The following GRIK1 variants were observed in gnomAD, a reference collection of about 807,000 sequenced individuals.
GRIK1 encodes the protein glutamate receptor ionotropic, kainate 1.
Under a neutral mutation model 105.7 loss-of-function variants are expected in GRIK1, and 69 were observed. That is an observed-to-expected ratio of 0.65 (90% CI 0.54 to 0.80). The LOEUF (loss-of-function observed/expected upper bound fraction) is 0.80, where lower values mean the gene tolerates loss of function less well. GRIK1 is among the 30% of genes least tolerant of loss of function. The pLI is 0.00. For missense variants in GRIK1, 1,109 were observed against 1,167.3 expected, an observed-to-expected ratio of 0.95 and a Z score of 0.73; for synonymous variants, 438 against 431.3, an observed-to-expected ratio of 1.02 and a Z score of -0.19.
At chr21:29,769,317 A>G (rs924136821) in intron 1 of GRIK1, among the ~76,000 whole-genome samples, 11 of 152,200 alleles carry the variant, frequency 7.2e-5, no homozygotes, top group Non-Finnish European at 1.0e-4. Flanking sequence ...ACACAGAGAC[A>G]GACGCGTACA....
At chr21:29,791,704 T>C (rs188629097) in intron 1 of GRIK1, among the ~76,000 whole-genome samples, 131 of 152,252 alleles carry the variant, frequency 8.6e-4, no homozygotes, top group Admixed American at 3.9e-3. Context: ...GTAAAAGCAG[T>C]TGAAAGCCCT....
intron 1 of GRIK1, among the ~76,000 whole-genome samples, chr21:29,783,822 C>T (rs1234218513): frequency 6.6e-6 from 1 of 152,206 alleles, no homozygotes; most frequent in East Asian, 1.9e-4. Flanking sequence ...ATAAAACAAT[C>T]ACATGACTCA....
chr21:29,635,424 C>T (rs1464772418), intron 7 of GRIK1, among the ~76,000 whole-genome samples: 1 of 152,150 alleles, frequency 6.6e-6, no homozygotes, highest in Non-Finnish European at 1.5e-5. Flanking sequence ...CCACACTGCC[C>T]AGTCTTGTCT....
At chr21:29,745,888 G>A (rs2065036537) in intron 1 of GRIK1, among the ~76,000 whole-genome samples, 1 of 152,158 alleles carries the variant, frequency 6.6e-6, no homozygotes, top group Non-Finnish European at 1.5e-5. Flanking sequence ...GGGATCACGA[G>A]GTCAGGAGAT....
intron 1 of GRIK1, among the ~76,000 whole-genome samples, chr21:29,818,815 C>A (rs570873940): frequency 7.9e-5 from 12 of 152,134 alleles, no homozygotes; most frequent in African/African-American, 2.9e-4. Context: ...GTGTAGGTCA[C>A]AGTTAGGATG....
At chr21:29,647,134 G>A (rs763585959) in intron 6 of GRIK1, among the ~76,000 whole-genome samples, 8 of 152,168 alleles carry the variant, frequency 5.3e-5, no homozygotes, top group Non-Finnish European at 8.8e-5. Context: ...GTGAGCCACC[G>A]TGCCCAGCCT....
At chr21:29,867,198 C>T (rs940310631) in intron 1 of GRIK1, among the ~76,000 whole-genome samples, 1 of 152,118 alleles carries the variant, frequency 6.6e-6, no homozygotes, top group Non-Finnish European at 1.5e-5. Context: ...TAGCTTGCCT[C>T]TTAGTGTGGA....
intron 14 of GRIK1, among the ~76,000 whole-genome samples, chr21:29,569,239 G>T (rs1438790248): frequency 6.6e-6 from 1 of 152,044 alleles, no homozygotes; most frequent in Non-Finnish European, 1.5e-5. Context: ...TAGAGGTAAG[G>T]GTTGAATAAT....
chr21:29,613,275 C>T (rs563350817), intron 7 of GRIK1, among the ~76,000 whole-genome samples: 241 of 152,260 alleles, frequency 1.6e-3, no homozygotes, highest in Non-Finnish European at 2.9e-3. Context: ...TCAGGAATTT[C>T]TTTTATGCTG....
chr21:29,852,241 A>T (rs1475080001), intron 1 of GRIK1, among the ~76,000 whole-genome samples: 4 of 152,084 alleles, frequency 2.6e-5, no homozygotes, highest in African/African-American at 9.7e-5. Context: ...GACCCTACTT[A>T]AATAGTTAGT....
At chr21:29,837,045 C>T (rs1234967841) in intron 1 of GRIK1, among the ~76,000 whole-genome samples, 1 of 152,128 alleles carries the variant, frequency 6.6e-6, no homozygotes, top group Non-Finnish European at 1.5e-5. Context: ...GTAAGTACAC[C>T]CTGATGCAGT....
chr21:29,777,973 A>T (rs1429288173), intron 1 of GRIK1, among the ~76,000 whole-genome samples: 2 of 152,218 alleles, frequency 1.3e-5, no homozygotes, highest in Non-Finnish European at 2.9e-5. Flanking sequence ...GGTCAGTGAT[A>T]TGCAGGCTGT....
chr21:29,723,828 T>C (rs1370103187), intron 1 of GRIK1, among the ~76,000 whole-genome samples: 1 of 152,172 alleles, frequency 6.6e-6, no homozygotes, highest in African/African-American at 2.4e-5. Flanking sequence ...CTATCTATAC[T>C]TTCTAAAGCT....
rs755407139 is a variant in GRIK1, at chr21:29,799,734, C to G, written c.119-105671G>C. ...TAGTAGAGACAGGATTTCACTATGT[C>G]GGCTAGGCTGGTCTTGAACTCCTGA... On this transcript the variant is annotated intron_variant, in intron 1 of 17. Coordinates refer to ENST00000327783, the MANE Select transcript of GRIK1 (RefSeq NM_001330994.2). Among the ~76,000 whole-genome samples the G allele has an allele frequency of 4.6e-5, 7 of 152,146 alleles. No individual in the cohort carries two copies. In the South Asian group the frequency reaches 8.3e-4, roughly 18 times the overall value.
At chr21:29,629,219 T>TGTGTGTGG (rs1555853111) in intron 7 of GRIK1, among the ~76,000 whole-genome samples, 6,935 of 151,096 alleles carry the variant, frequency 0.046, 192 homozygotes, top group Non-Finnish European at 0.065. Context: ...TGTGTGTGTG[T>TGTGTGTGG]GTGTGTGTGT....
At chr21:29,719,688 C>T (rs1601527299) in intron 1 of GRIK1, among the ~76,000 whole-genome samples, 1 of 152,058 alleles carries the variant, frequency 6.6e-6, no homozygotes, top group Non-Finnish European at 1.5e-5. Context: ...TCCTCTTTGA[C>T]AACAGCTTCT....
chr21:29,817,011 A>G (rs1203696437), intron 1 of GRIK1, among the ~76,000 whole-genome samples: 1 of 152,158 alleles, frequency 6.6e-6, no homozygotes. Context: ...ATCATTACGT[A>G]TTGCATGCAT....
Position 29,591,198 on chromosome 21 carries a change from G to A in GRIK1, c.1279C>T (p.Leu427Phe). ...KIGIWNSNSG[L>F]NMTDSNKDKS... ...TCTTTGTTGCTGTCCGTCATGTTAA[G>A]CCCACTGTTGGAATTCCAAATCCCA... The change falls in exon 10 of 18, where the codon CTT (leucine) becomes TTT (phenylalanine). Residue 427 changes from leucine (L) to phenylalanine (F), a missense_variant. Coordinates refer to ENST00000327783, the MANE Select transcript of GRIK1 (RefSeq NM_001330994.2). The A allele has an allele frequency of 6.2e-7, 1 of 1,606,934 alleles. No individual in the cohort carries two copies.
intron 1 of GRIK1, among the ~76,000 whole-genome samples, chr21:29,768,190 G>C (rs1448954863): frequency 6.6e-6 from 1 of 152,144 alleles, no homozygotes; most frequent in Non-Finnish European, 1.5e-5. Flanking sequence ...CAAGAGACTT[G>C]AGTGCTAAGA....
Sources: allele counts gnomAD v4.1 joint callset (sites outside exome capture counted in the v4.1 genomes callset), GRCh38; gene constraint gnomAD v4.1.1; transcripts MANE v1.5; gene names NCBI Gene and HGNC (gene_info 2026-07-23, HGNC 2026-07-21).